Variants in MICAL3 observed in about 807,000 individuals in gnomAD.
The protein encoded by MICAL3 is [F-actin]-monooxygenase MICAL3.
A neutral mutation model predicts 207.4 loss-of-function variants in MICAL3; 62 were observed. The observed-to-expected ratio is 0.30, with a 90% CI of 0.24 to 0.37. The LOEUF (loss-of-function observed/expected upper bound fraction) is 0.37, where lower values mean the gene tolerates loss of function less well. Ranked by LOEUF, MICAL3 falls within the 10% of genes least tolerant of loss-of-function variation. The pLI is 1.00. For synonymous variants in MICAL3, 1,077 were observed against 1,069.3 expected (o/e 1.01, Z -0.14); for missense variants, 2,368 against 2,635.6 (o/e 0.90, Z 2.22).
At chr22:17,794,107 T>C (rs1299663345) in intron 29 of MICAL3, among the ~76,000 whole-genome samples, 1 of 152,096 alleles carries the variant, frequency 6.6e-6, no homozygotes, top group African/African-American at 2.4e-5. Flanking sequence ...AGCCACAGTG[T>C]GGATTCCTCC....
intron 1 of MICAL3, among the ~76,000 whole-genome samples, chr22:17,933,194 A>C (rs1933353668): frequency 6.6e-6 from 1 of 152,248 alleles, no homozygotes. Context: ...CATCGCACTT[A>C]TTCTAAAACT....
chr22:17,881,240 T>C (rs1389478872), intron 16 of MICAL3: 1 of 1,608,964 alleles, frequency 6.2e-7, no homozygotes, highest in Non-Finnish European at 8.5e-7. Context: ...GGAGGTGGAG[T>C]AGGGGGAGGA....
At position 17,841,689 on chromosome 22, in the gene MICAL3, T is replaced by C. The variant is rs1432643454; in HGVS notation, c.2801+133A>G. 4 of 837,494 alleles carry C rather than the reference T, an allele frequency of 4.8e-6. No homozygotes were observed. In the African/African-American group the frequency reaches 5.1e-5, roughly 11 times the overall value. 51.9% of individuals were successfully genotyped at this position (837,494 alleles called of 1,614,324 possible). A position where few individuals can be genotyped will look rare whatever the true frequency, so the allele number is the denominator to read the frequency against. ...ATGAGGCTAAGAACCTAAAAGGGAC[T>C]GGGGAGAATGGACTGCGGGCAGCAG... On this transcript the variant is annotated intron_variant, in intron 20 of 31. Transcript: ENST00000441493. This position sits in a 1 kb window ranked among gnomAD's most constrained non-coding sequence, Gnocchi z 4.2.
chr22:17,850,850 C>T (rs1168315198), intron 19 of MICAL3, among the ~76,000 whole-genome samples: 3 of 152,124 alleles, frequency 2.0e-5, no homozygotes, highest in South Asian at 2.1e-4. Flanking sequence ...GCTACAAGCC[C>T]GACTCTCCAG....
At chr22:17,879,438 A>G (rs773658491) in intron 16 of MICAL3, 1 of 1,578,186 alleles carries the variant, frequency 6.3e-7, no homozygotes, top group Admixed American at 1.8e-5. Context: ...AGCTCCATGC[A>G]TATCGCTCTA....
intron 1 of MICAL3, among the ~76,000 whole-genome samples, chr22:18,008,037 T>C (rs1923513579): frequency 6.6e-6 from 1 of 150,704 alleles, no homozygotes; most frequent in African/African-American, 2.4e-5. Flanking sequence ...GGTCAGGAGT[T>C]CGAGACCAGC....
rs925036268 is a variant in MICAL3 at position 17,958,957 on chromosome 22, C to T, written c.-74-52071G>A. On this transcript the variant is annotated intron_variant, in intron 1 of 31. Transcript: ENST00000441493. The stretch of plus-strand genomic sequence containing the variant: ...CTGACCTCAGGTGATCTGCTCGCCT[C>T]GGCCTCGCAAAGTGCTGGGATTACA... Among the ~76,000 whole-genome samples the T allele has an allele frequency of 1.8e-4, 27 of 149,848 alleles. 1 individual carries two copies. Among genetic ancestry groups the T allele is most frequent in the Middle Eastern group, 3.5e-3 (1 of 282 alleles).
chr22:17,920,009 C>A (rs1932762416), intron 1 of MICAL3, among the ~76,000 whole-genome samples: 1 of 152,248 alleles, frequency 6.6e-6, no homozygotes, highest in Non-Finnish European at 1.5e-5. Context: ...TGGCTAACAT[C>A]TGCATGAGAA....
intron 19 of MICAL3, among the ~76,000 whole-genome samples, chr22:17,844,057 A>C (rs2587112): frequency 0.17 from 25,986 of 152,106 alleles, 2,520 homozygotes; most frequent in Middle Eastern, 0.22. Flanking sequence ...CATGTTAGCC[A>C]GGATGGTCTC....
At chr22:17,857,548 G>A (rs1926071517) in intron 19 of MICAL3, among the ~76,000 whole-genome samples, 1 of 152,210 alleles carries the variant, frequency 6.6e-6, no homozygotes, top group Non-Finnish European at 1.5e-5. Context: ...CACAGAATAA[G>A]GAAATCAGTC....
chr22:17,823,709 T>C (rs1045021855), intron 22 of MICAL3, among the ~76,000 whole-genome samples: 14 of 152,380 alleles, frequency 9.2e-5, no homozygotes, highest in African/African-American at 3.1e-4. Context: ...TTTAGACTTG[T>C]GTCCCATCCC....
intron 19 of MICAL3, among the ~76,000 whole-genome samples, chr22:17,857,787 A>T (rs976314103): frequency 1.3e-5 from 2 of 152,342 alleles, no homozygotes; most frequent in African/African-American, 4.8e-5. Context: ...CTTTCATGCC[A>T]GCAAGGGCCT....
intron 15 of MICAL3, 48 bp downstream of exon 15, chr22:17,887,122 G>C: frequency 2.1e-6 from 3 of 1,441,574 alleles, no homozygotes; most frequent in Non-Finnish European, 2.9e-6. Context: ...TTAACCAAAA[G>C]GGGCTATTCC....
chr22:17,916,350 T>C (rs1314347241), intron 1 of MICAL3, among the ~76,000 whole-genome samples: 3 of 152,066 alleles, frequency 2.0e-5, no homozygotes, highest in Non-Finnish European at 4.4e-5. Flanking sequence ...CCTGCAGTGA[T>C]CCTCCCTCAC....
intron 19 of MICAL3, chr22:17,862,711 T>C: frequency 1.0e-6 from 1 of 985,470 alleles, no homozygotes; most frequent in Non-Finnish European, 1.2e-6. Context: ...CCTGTTCCTT[T>C]TCTACCAAGG....
intron 1 of MICAL3, among the ~76,000 whole-genome samples, chr22:17,936,136 T>C (rs1003686009): frequency 4.6e-5 from 7 of 152,210 alleles, no homozygotes; most frequent in East Asian, 3.8e-4. Context: ...CGCATGTTTA[T>C]TGCGGCACTA....
rs182075583 is a variant in MICAL3 at position 17,864,708 on chromosome 22, C to T, written c.2605+191G>A. ...CCCCTCTGATTTGCACCAGCACCTC[C>T]GACAGGCCATAGAGAAAGGGGACTC... is the stretch of plus-strand genomic sequence containing the variant. On this transcript the variant is annotated intron_variant, in intron 19 of 31. Coordinates refer to ENST00000441493, the MANE Select transcript of MICAL3 (RefSeq NM_015241.3). 423 of 1,612,672 alleles carry T rather than the reference C, an allele frequency of 2.6e-4. 1 individual carries two copies. Among genetic ancestry groups the T allele is most frequent in the South Asian group, 1.2e-3 (109 of 90,894 alleles).
intron 1 of MICAL3, among the ~76,000 whole-genome samples, chr22:17,930,967 A>G (rs1933222768): frequency 6.6e-6 from 1 of 152,202 alleles, no homozygotes; most frequent in Non-Finnish European, 1.5e-5. Context: ...AGCTTCCCAG[A>G]GGCAGCGCCT....
At chr22:17,845,233 A>C (rs1924503991) in intron 19 of MICAL3, among the ~76,000 whole-genome samples, 1 of 152,210 alleles carries the variant, frequency 6.6e-6, no homozygotes, top group Non-Finnish European at 1.5e-5. Context: ...CAGGGAAACA[A>C]ACAACTAACA....
Sources: allele counts gnomAD v4.1 joint callset (sites outside exome capture counted in the v4.1 genomes callset), GRCh38; gene constraint gnomAD v4.1.1; non-coding constraint Gnocchi (gnomAD v3.1); transcripts MANE v1.5; gene names NCBI Gene and HGNC (gene_info 2026-07-23, HGNC 2026-07-21).